ABI3BP: variants seen among roughly 807,000 people sequenced by gnomAD.
ABI3BP encodes target of Nesh-SH3.
ABI3BP carries 216 observed loss-of-function variants against 268.6 expected under a neutral mutation model. The ratio of observed to expected loss-of-function variants is 0.80; its 90% CI spans 0.72 to 0.90. ABI3BP has a LOEUF of 0.90. Among genes scored for constraint, ABI3BP ranks in the 40% least tolerant of loss-of-function variants. The pLI is 0.00. For missense variants in ABI3BP, 2,090 were observed against 2,182.4 expected, an observed-to-expected ratio of 0.96 and a Z score of 0.84; for synonymous variants, 730 against 730.0, an observed-to-expected ratio of 1.00 and a Z score of 0.00.
rs1402257754 is a variant in ABI3BP at position 100,749,962 on chromosome 3, T to TA, written c.*532dup. The stretch of plus-strand genomic sequence containing the variant: ...CTCCGCAAAGCTATTCAGCTGTTGC[T>TA]AAAAAATTGAAGTTTAAATATAAAA... On this transcript the variant is annotated 3_prime_UTR_variant, in exon 68 of 68. Transcript: ENST00000471714. 1.4e-5 allele frequency: 5 copies of TA among 361,746 alleles called. No homozygotes were observed. Among genetic ancestry groups the TA allele is most frequent in the African/African-American group, 2.8e-5 (1 of 36,232 alleles). The allele number at this position is 361,746 out of a possible 1,614,324, so 22.4% of individuals were successfully genotyped here. A position where few individuals can be genotyped will look rare whatever the true frequency, so the allele number is the denominator to read the frequency against.
Position 100,984,892 on chromosome 3 carries a change from A to G in ABI3BP, c.79+8414T>C, listed in dbSNP as rs182579492. ...CAGGGTATCTAGTATTAAACAGTCT[A>G]TGAGAGTCTGAGTGTCATGGTTAGA... On this transcript the variant is annotated intron_variant, in intron 1 of 67. Transcript: ENST00000471714. Among the ~76,000 whole-genome samples, 35 of 152,288 alleles carry G rather than the reference A, an allele frequency of 2.3e-4. 1 individual carries two copies. In the East Asian group the frequency reaches 6.6e-3, roughly 29 times the overall value.
intron 4 of ABI3BP, among the ~76,000 whole-genome samples, chr3:100,892,827 T>A (rs2045392761): frequency 6.6e-6 from 1 of 152,152 alleles, no homozygotes; most frequent in Non-Finnish European, 1.5e-5. Flanking sequence ...GTACTGCAGG[T>A]AAGATAGAAC....
intron 1 of ABI3BP, among the ~76,000 whole-genome samples, chr3:100,981,465 T>C (rs1298594691): frequency 1.3e-5 from 2 of 151,856 alleles, no homozygotes; most frequent in East Asian, 1.9e-4. Context: ...AAGAGAATGA[T>C]TGGGAACAAA....
At chr3:100,759,933 T>G (rs908683591) in intron 63 of ABI3BP, among the ~76,000 whole-genome samples, 5 of 152,208 alleles carry the variant, frequency 3.3e-5, no homozygotes, top group African/African-American at 7.2e-5. Flanking sequence ...ATGCAGAGAC[T>G]AGAATTTCGC....
At chr3:100,919,062 C>T (rs556596173) in intron 2 of ABI3BP, among the ~76,000 whole-genome samples, 1 of 152,314 alleles carries the variant, frequency 6.6e-6, no homozygotes, top group South Asian at 2.1e-4. Context: ...GCCTTTGAAG[C>T]CTCTTGCCGT....
At chr3:100,851,287 A>G (rs539532173) in intron 15 of ABI3BP, among the ~76,000 whole-genome samples, 1 of 152,172 alleles carries the variant, frequency 6.6e-6, no homozygotes, top group African/African-American at 2.4e-5. Flanking sequence ...CAAAGATTAG[A>G]CCCAATTGAA....
intron 62 of ABI3BP, 41 bp downstream of exon 62, chr3:100,770,702 C>T (rs776687342): frequency 7.2e-7 from 1 of 1,394,864 alleles, no homozygotes; most frequent in Non-Finnish European, 9.4e-7. Context: ...ATCTTGTTAT[C>T]AAAGCTTCCC....
intron 51 of ABI3BP, among the ~76,000 whole-genome samples, chr3:100,796,984 A>T (rs1194732726): frequency 6.6e-6 from 1 of 152,004 alleles, no homozygotes; most frequent in Non-Finnish European, 1.5e-5. Context: ...TGCTGGGGGG[A>T]GAAAATGAAG....
chr3:100,894,871 G>A (rs2046526195), intron 4 of ABI3BP, among the ~76,000 whole-genome samples: 1 of 142,710 alleles, frequency 7.0e-6, no homozygotes, highest in South Asian at 2.2e-4. Flanking sequence ...CCCGGCAGGC[G>A]GAGCTTACAG....
At chr3:100,771,162 G>A (rs1374284021) in intron 61 of ABI3BP, among the ~76,000 whole-genome samples, 1 of 152,114 alleles carries the variant, frequency 6.6e-6, no homozygotes, top group Non-Finnish European at 1.5e-5. Flanking sequence ...TACTGAATAA[G>A]TTTAGCTTAT....
chr3:100,890,504 ATTCCTTACGGACC>A, intron 4 of ABI3BP, among the ~76,000 whole-genome samples: 1 of 152,126 alleles, frequency 6.6e-6, no homozygotes, highest in East Asian at 1.9e-4. Context: ...CTTTCCCTTG[ATTCCTTACGGACC>A]TTCCCGAGTC....
intron 1 of ABI3BP, among the ~76,000 whole-genome samples, chr3:100,984,465 G>C (rs1357953061): frequency 2.0e-5 from 3 of 152,174 alleles, no homozygotes; most frequent in Non-Finnish European, 2.9e-5. Flanking sequence ...GGCTTTCAAA[G>C]TATGATCCTT....
At chr3:100,885,401 C>T (rs2041502499) in intron 6 of ABI3BP, 135 bp downstream of exon 6, 5 of 467,214 alleles carry the variant, frequency 1.1e-5, no homozygotes, top group Non-Finnish European at 1.9e-5. Context: ...AAACTAATTC[C>T]TAAAACTAAG....
At chr3:100,989,189 T>G (rs1194224443) in intron 1 of ABI3BP, among the ~76,000 whole-genome samples, 2 of 152,180 alleles carry the variant, frequency 1.3e-5, no homozygotes. Flanking sequence ...CCTCACCAGA[T>G]GCCAGCACTT....
At chr3:100,890,513 G>T (rs916200924) in intron 4 of ABI3BP, among the ~76,000 whole-genome samples, 4 of 151,832 alleles carry the variant, frequency 2.6e-5, no homozygotes, top group African/African-American at 9.7e-5. Context: ...GATTCCTTAC[G>T]GACCTTCCCG....
intron 6 of ABI3BP, among the ~76,000 whole-genome samples, chr3:100,885,082 C>G (rs1000120423): frequency 1.3e-5 from 2 of 152,032 alleles, no homozygotes; most frequent in Non-Finnish European, 2.9e-5. Flanking sequence ...CTGAACTGAA[C>G]AGAGACTGGG....
In ABI3BP at chr3:100,770,639, C is replaced by T. The variant is rs532308634; in HGVS notation, c.4741+104G>A. 2.0e-4 allele frequency: 223 copies of T among 1,139,860 alleles called. 1 individual carries two copies. In the African/African-American group the frequency reaches 3.2e-3, roughly 16 times the overall value. The allele number at this position is 1,139,860 out of a possible 1,614,324, so 70.6% of individuals were successfully genotyped here. On this transcript the variant is annotated intron_variant, in intron 62 of 67. Transcript: ENST00000471714. ...GCAAAACTGCTAGTTTTGTCTCCTC[C>T]CCAGGTATGCTTCACATGTCAACGT... is the stretch of plus-strand genomic sequence containing the variant.
intron 19 of ABI3BP, chr3:100,846,659 A>G: frequency 2.5e-6 from 1 of 400,760 alleles, no homozygotes; most frequent in Non-Finnish European, 4.5e-6. Flanking sequence ...AAACATTTCA[A>G]GAGTATATTT....
intron 4 of ABI3BP, among the ~76,000 whole-genome samples, chr3:100,893,550 C>G (rs1483582623): frequency 6.6e-6 from 1 of 151,834 alleles, no homozygotes; most frequent in Non-Finnish European, 1.5e-5. Flanking sequence ...GGTTTAGTAA[C>G]TAATTGGTCA....
Sources: allele counts gnomAD v4.1 joint callset (sites outside exome capture counted in the v4.1 genomes callset), GRCh38; gene constraint gnomAD v4.1.1; transcripts MANE v1.5; gene names NCBI Gene and HGNC (gene_info 2026-07-23, HGNC 2026-07-21).